The following SPEG variants were observed in gnomAD, a reference collection of about 807,000 sequenced individuals.
SPEG encodes the protein striated muscle preferentially expressed protein kinase.
A neutral mutation model predicts 300.4 loss-of-function variants in SPEG; 114 were observed. That is an observed-to-expected ratio of 0.38 (90% CI 0.33 to 0.44). SPEG has a LOEUF of 0.44. Ranked by LOEUF, SPEG falls within the 20% of genes least tolerant of loss-of-function variation. The probability of loss-of-function intolerance (pLI) is 1.00; values close to 1 mark genes in which losing one functional copy is unlikely to be tolerated. For missense variants in SPEG, 4,201 were observed against 4,586.2 expected, an observed-to-expected ratio of 0.92 and a Z score of 2.43; for synonymous variants, 1,964 against 2,018.9, an observed-to-expected ratio of 0.97 and a Z score of 0.73.
In SPEG at chr2:219,472,919, C is replaced by T; in HGVS notation, c.3970C>T (p.His1324Tyr). The change falls in exon 16 of 41, where the codon CAC becomes TAC. Residue 1324 changes from histidine (H) to tyrosine (Y), a missense_variant. By Grantham distance (83) the His-to-Tyr change is moderately conservative. Around this residue, in one of 4 missense-constraint regions of SPEG, gnomAD observed 1,047 missense variants for 1,356.8 expected, o/e 0.77. Coordinates refer to ENST00000312358, the MANE Select transcript of SPEG (RefSeq NM_005876.5). ...GGACTCCCTGACGTACACAGTGCAG[C>T]ACCAGGTGCTGGGCTCGGACCAGTG... is the stretch of plus-strand genomic sequence containing the variant. ...DPDSLTYTVQ[H>Y]QVLGSDQWTA... 6.2e-7 allele frequency: 1 copy of T among 1,612,478 alleles called. No homozygotes were observed. The highest frequency in any genetic ancestry group is 8.5e-7 in the Non-Finnish European group (1 of 1,179,116).
chr2:219,487,443 G>A (rs1490021414), intron 31 of SPEG, among the ~76,000 whole-genome samples: 3 of 152,214 alleles, frequency 2.0e-5, no homozygotes, highest in Non-Finnish European at 4.4e-5. Flanking sequence ...CCTCGTAATT[G>A]TCACAGCAAG....
At chr2:219,467,077 C>G (rs1312646763) in intron 9 of SPEG, 97 bp from the exon 10 acceptor site, 9 of 1,391,422 alleles carry the variant, frequency 6.5e-6, no homozygotes, top group East Asian at 2.3e-5. Context: ...ATCTCTCTCT[C>G]TGTGTCTGTC....
At position 219,481,945 on chromosome 2, in the gene SPEG, C is replaced by T. The variant is rs1399969912; in HGVS notation, c.5565+265C>T. On this transcript the variant is annotated intron_variant, in intron 28 of 40. Transcript: ENST00000312358. This position sits in a 1 kb window ranked among gnomAD's most constrained non-coding sequence, Gnocchi z 5.4. The stretch of plus-strand genomic sequence containing the variant: ...TACGTCTGGACCTCTCCATCCTGGG[C>T]GTCCTCAGTGGAGTTCTCCCCCATG... 2.4e-5 allele frequency: 14 copies of T among 576,414 alleles called. No individual in the cohort carries two copies. Among genetic ancestry groups the T allele is most frequent in the Non-Finnish European group, 3.7e-5 (12 of 321,730 alleles). 35.7% of individuals were successfully genotyped at this position (576,414 alleles called of 1,614,324 possible).
intron 13 of SPEG, among the ~76,000 whole-genome samples, chr2:219,471,078 G>A (rs1446772339): frequency 6.6e-6 from 1 of 152,132 alleles, no homozygotes; most frequent in Admixed American, 6.5e-5. Context: ...CCCATGAAAA[G>A]CAGCGTGGGC....
chr2:219,441,528 C>T (rs1268275128), intron 1 of SPEG: 2 of 470,360 alleles, frequency 4.3e-6, no homozygotes, highest in Non-Finnish European at 4.4e-6. Flanking sequence ...AGTGTGTGTG[C>T]GCGCATGTTT....
rs927877264 is a variant in SPEG at position 219,479,012 on chromosome 2, G to A, written c.5028-132G>A. Reference sequence around the variant, plus strand: ...GGGGGTACACGTGGAGGAGCGGAGAGGCAGTCTCTGGCTAGTATCAAGCAT... The same window carrying A: ...GGGGGTACACGTGGAGGAGCGGAGAAGCAGTCTCTGGCTAGTATCAAGCAT... On this transcript the variant is annotated intron_variant, in intron 22 of 40. Coordinates refer to ENST00000312358, the MANE Select transcript of SPEG (RefSeq NM_005876.5). The surrounding 1 kb of genome is among the most constrained non-coding windows in gnomAD (Gnocchi z 5.5). 27 of 746,710 alleles carry A rather than the reference G, an allele frequency of 3.6e-5. No homozygotes were observed. Among genetic ancestry groups the A allele is most frequent in the Non-Finnish European group, 5.5e-5 (24 of 433,648 alleles). 46.3% of individuals were successfully genotyped at this position (746,710 alleles called of 1,614,324 possible).
Position 219,484,895 on chromosome 2 carries a change from G to C in SPEG, c.7432G>C (p.Gly2478Arg). 1.3e-6 allele frequency: 2 copies of C among 1,525,942 alleles called. No individual in the cohort carries two copies. The highest frequency in any genetic ancestry group is 8.7e-7 in the Non-Finnish European group (1 of 1,143,834). 94.5% of individuals were successfully genotyped at this position (1,525,942 alleles called of 1,614,324 possible). ...LQRSGSSEDS[G>R]GASGRSTPLF... ...GCGCAGTGGCAGCAGCGAGGACTCG[G>C]GGGGCGCGTCGGGCCGCAGCACGCC... Residue 2478 changes from glycine (G) to arginine (R), a missense_variant, in exon 30 of 41, where the codon GGG becomes CGG. Physicochemically the swap from Gly to Arg is moderately radical, Grantham distance 125 (BLOSUM62 -2). This residue lies in a region of SPEG where 1,578 missense variants were observed against 1,506.0 expected (regional missense o/e 1.05). Transcript: ENST00000312358.
intron 6 of SPEG, among the ~76,000 whole-genome samples, chr2:219,455,791 T>G (rs1690132581): frequency 6.6e-6 from 1 of 152,072 alleles, no homozygotes; most frequent in African/African-American, 2.4e-5. Flanking sequence ...CTGTGGTCCT[T>G]CTGTTTCCTT....
In SPEG at chr2:219,488,197, TC is replaced by T; in HGVS notation, c.7751del (p.Pro2584GlnfsTer35). 6.2e-7 allele frequency: 1 copy of T among 1,609,910 alleles called. No homozygotes were observed. The highest frequency in any genetic ancestry group is 2.2e-5 in the East Asian group (1 of 44,806). The stretch of plus-strand genomic sequence containing the variant: ...GCTGTCTCTGCTTTTCCTCCAGACT[TC>T]CCCCCAGTCTTCCACATCAAACTCA... Reference protein sequence around the residue: ...GHQYVRSESDFPPVFHIKLKD... With the variant: ...GHQYVRSESDXPPVFHIKLKD... On this transcript the variant is annotated frameshift_variant, in exon 32 of 41. Coordinates refer to ENST00000312358, the MANE Select transcript of SPEG (RefSeq NM_005876.5). LOFTEE classifies it high-confidence loss of function.
rs775909361 is a variant in SPEG, at chr2:219,472,262, G to T, written c.3871G>T (p.Val1291Leu). Reference protein sequence around the residue: ...VPGPPDGAPQVVAVTGRMVTL... With the variant: ...VPGPPDGAPQLVAVTGRMVTL... ...AGGCCCTCCAGATGGCGCCCCGCAGGTGGTGGCTGTGACGGGGAGGATGGT... is the reference window on the plus strand; with the variant it reads ...AGGCCCTCCAGATGGCGCCCCGCAGTTGGTGGCTGTGACGGGGAGGATGGT... Residue 1291 changes from valine to leucine, a missense_variant, in exon 15 of 41, where the codon GTG becomes TTG. Transcript: ENST00000312358. The T allele has an allele frequency of 6.2e-7, 1 of 1,613,884 alleles. No individual in the cohort carries two copies. Among genetic ancestry groups the T allele is most frequent in the South Asian group, 1.1e-5 (1 of 91,086 alleles).
chr2:219,444,417 G>A lies in SPEG; in HGVS notation c.389-236G>A, dbSNP rs546512645. 1.2e-4 allele frequency among the ~76,000 whole-genome samples: 18 copies of A among 152,198 alleles called. 1 individual carries two copies. The highest frequency in any genetic ancestry group is 9.8e-4 in the Admixed American group (15 of 15,304). On this transcript the variant is annotated intron_variant, in intron 1 of 40. Transcript: ENST00000312358. The surrounding 1 kb of genome is among the most constrained non-coding windows in gnomAD (Gnocchi z 7.8). ...GGGGTGGCAGTTTGGAGGGCCCTACGGAGGTAAACGTGAGTAACCAGGGGC... is the reference window on the plus strand; with the variant it reads ...GGGGTGGCAGTTTGGAGGGCCCTACAGAGGTAAACGTGAGTAACCAGGGGC...
chr2:219,474,445 A>G (rs567324364), intron 18 of SPEG: 85 of 152,806 alleles, frequency 5.6e-4, no homozygotes, highest in Middle Eastern at 3.4e-3. Context: ...AGCACTTTAC[A>G]TGTATTGCCT....
In SPEG at chr2:219,493,016, C is replaced by T. The variant is rs1694117129; in HGVS notation, c.*230C>T. 1 of 700,480 alleles carries T rather than the reference C, an allele frequency of 1.4e-6. No homozygotes were observed. The allele number at this position is 700,480 out of a possible 1,614,324, so 43.4% of individuals were successfully genotyped here. Reference sequence around the variant, plus strand: ...TGGGAGACCCATTGGTCAGGCTCAGCAGGGTGGGAACAGGCAGAGGGACAA... The same window carrying T: ...TGGGAGACCCATTGGTCAGGCTCAGTAGGGTGGGAACAGGCAGAGGGACAA... On this transcript the variant is annotated 3_prime_UTR_variant, in exon 41 of 41. Transcript: ENST00000312358.
intron 40 of SPEG, 41 bp downstream of exon 40, chr2:219,492,301 C>T: frequency 6.3e-7 from 1 of 1,590,598 alleles, no homozygotes; most frequent in East Asian, 2.2e-5. Context: ...GTGTTACCTG[C>T]CCCTGGCCTG....
Position 219,467,407 on chromosome 2 carries a change from T to G in SPEG, c.3115T>G (p.Tyr1039Asp). Residue 1039 changes from tyrosine (Y) to aspartate (D), a missense_variant, in exon 10 of 41, where the codon TAC becomes GAC. Around this residue, in one of 4 missense-constraint regions of SPEG, gnomAD observed 1,047 missense variants for 1,356.8 expected, o/e 0.77. Transcript: ENST00000312358. ...TGTACATGAGGACGACAGTGGCGTC[T>G]ACACCTGCAAGCTCAGCACGGCCAA... ...TSVHEDDSGV[Y>D]TCKLSTAKDE... 1 of 1,610,972 alleles carries G rather than the reference T, an allele frequency of 6.2e-7. No homozygotes were observed. The highest frequency in any genetic ancestry group is 8.5e-7 in the Non-Finnish European group (1 of 1,179,130).
chr2:219,460,541 G>C, intron 6 of SPEG: 6 of 985,472 alleles, frequency 6.1e-6, no homozygotes, highest in Non-Finnish European at 7.2e-6. Flanking sequence ...CACACCTTGA[G>C]TCAAGGCACC....
At position 219,451,311 on chromosome 2, in the gene SPEG, G is replaced by A. The variant is rs1689726498; in HGVS notation, c.2257+32G>A. 3.8e-6 allele frequency: 6 copies of A among 1,575,844 alleles called. No homozygotes were observed. Among genetic ancestry groups the A allele is most frequent in the Middle Eastern group, 1.9e-4 (1 of 5,298 alleles). ...TCCAGCACTGGGCCAAGGTGCGGTC[G>A]AGGTTGGGAGGGGGTGTGTGAGAAG... is the stretch of plus-strand genomic sequence containing the variant. On this transcript the variant is annotated intron_variant, in intron 5 of 40. Coordinates refer to ENST00000312358, the MANE Select transcript of SPEG (RefSeq NM_005876.5). The surrounding 1 kb of genome is among the most constrained non-coding windows in gnomAD (Gnocchi z 6.4).
Position 219,473,587 on chromosome 2 carries a change from G to A in SPEG, c.4231G>A (p.Val1411Ile), listed in dbSNP as rs115558647. 15 of 1,614,184 alleles carry A rather than the reference G, an allele frequency of 9.3e-6. No homozygotes were observed. Among genetic ancestry groups the A allele is most frequent in the South Asian group, 3.3e-5 (3 of 91,084 alleles). The part of the protein sequence containing the change: ...VVEGQPASVT[V>I]TFNHVEAQVV... Reference sequence around the variant, plus strand: ...GGAGGGACAGCCTGCCAGCGTCACCGTCACATTCAACCATGTGGAGGCCCA... The same window carrying A: ...GGAGGGACAGCCTGCCAGCGTCACCATCACATTCAACCATGTGGAGGCCCA... The change falls in exon 17 of 41, where the codon GTC becomes ATC. Residue 1411 changes from valine (V) to isoleucine (I), a missense_variant. Physicochemically the swap from Val to Ile is conservative, Grantham distance 29. This residue lies in a region of SPEG where 1,047 missense variants were observed against 1,356.8 expected (regional missense o/e 0.77). Transcript: ENST00000312358. The surrounding 1 kb of genome is among the most constrained non-coding windows in gnomAD (Gnocchi z 4.6).
In SPEG at chr2:219,443,177, C is replaced by G. The variant is rs377161049; in HGVS notation, c.389-1476C>G. 38 of 1,610,618 alleles carry G rather than the reference C, an allele frequency of 2.4e-5. No individual in the cohort carries two copies. In the African/African-American group the frequency reaches 2.5e-4, roughly 11 times the overall value. Reference sequence around the variant, plus strand: ...TGCGTGGACCGTGGGCGTCCTTGCTCTAGCCCATGCCTACTCCTCCTCTTG... The same window carrying G: ...TGCGTGGACCGTGGGCGTCCTTGCTGTAGCCCATGCCTACTCCTCCTCTTG... On this transcript the variant is annotated intron_variant, in intron 1 of 40. Coordinates refer to ENST00000312358, the MANE Select transcript of SPEG (RefSeq NM_005876.5). This position sits in a 1 kb window ranked among gnomAD's most constrained non-coding sequence, Gnocchi z 4.6.
Sources: allele counts gnomAD v4.1 joint callset (sites outside exome capture counted in the v4.1 genomes callset), GRCh38; gene constraint gnomAD v4.1.1; regional missense constraint gnomAD v4.1.1; non-coding constraint Gnocchi (gnomAD v3.1); transcripts MANE v1.5; gene names NCBI Gene and HGNC (gene_info 2026-07-23, HGNC 2026-07-21).